The following MTMR7 variants were observed in gnomAD, a reference collection of about 807,000 sequenced individuals.
The protein encoded by MTMR7 is myotubularin related protein 7.
Under a neutral mutation model 81.2 loss-of-function variants are expected in MTMR7, and 76 were observed. The observed-to-expected ratio is 0.94, with a 90% CI of 0.78 to 1.13. MTMR7 has a LOEUF of 1.13. MTMR7 is among the 50% of genes most tolerant of loss of function. MTMR7 has a pLI of 0.00. For missense variants in MTMR7, 1,044 were observed against 820.0 expected (o/e 1.27, Z -3.34); for synonymous variants, 372 against 289.8 (o/e 1.28, Z -2.88).
At chr8:17,343,694 A>T (rs1819471618) in intron 5 of MTMR7, among the ~76,000 whole-genome samples, 1 of 152,240 alleles carries the variant, frequency 6.6e-6, no homozygotes, top group Non-Finnish European at 1.5e-5. Flanking sequence ...TGTGGTCGAT[A>T]AATTAAAACA....
At chr8:17,398,874 T>C (rs548691024) in intron 1 of MTMR7, among the ~76,000 whole-genome samples, 35 of 152,188 alleles carry the variant, frequency 2.3e-4, no homozygotes, top group Non-Finnish European at 4.7e-4. Context: ...GCACGTCTGT[T>C]TGCTCAAGCA....
At chr8:17,320,171 A>C (rs1022476836) in intron 7 of MTMR7, among the ~76,000 whole-genome samples, 1 of 152,030 alleles carries the variant, frequency 6.6e-6, no homozygotes, top group Non-Finnish European at 1.5e-5. Flanking sequence ...TTTTCTTTTT[A>C]CTTTTAATGT....
chr8:17,344,759 G>A (rs778303724), intron 5 of MTMR7, among the ~76,000 whole-genome samples: 23 of 152,266 alleles, frequency 1.5e-4, no homozygotes, highest in Non-Finnish European at 1.8e-4. Flanking sequence ...CAGAGTGTGA[G>A]AAGGGGCATA....
At chr8:17,398,650 C>A (rs1821330469) in intron 1 of MTMR7, among the ~76,000 whole-genome samples, 1 of 152,028 alleles carries the variant, frequency 6.6e-6, no homozygotes, top group South Asian at 2.1e-4. Flanking sequence ...AAAGCGATAA[C>A]CACAAAGAAC....
intron 7 of MTMR7, among the ~76,000 whole-genome samples, chr8:17,328,128 T>G (rs1470985025): frequency 6.6e-6 from 1 of 152,172 alleles, no homozygotes; most frequent in Admixed American, 6.5e-5. Context: ...AAGTGAAATT[T>G]TCTAGGTGAC....
chr8:17,306,612 T>G (rs1379318146), intron 10 of MTMR7, among the ~76,000 whole-genome samples: 1 of 152,106 alleles, frequency 6.6e-6, no homozygotes, highest in East Asian at 1.9e-4. Context: ...ACTGTGTGAG[T>G]TTTACAGAGA....
At chr8:17,411,409 C>T (rs557551586) in intron 1 of MTMR7, among the ~76,000 whole-genome samples, 3 of 152,316 alleles carry the variant, frequency 2.0e-5, no homozygotes, top group East Asian at 1.9e-4. Flanking sequence ...CATACACTGA[C>T]ATATTTACAA....
chr8:17,300,290 G>T (rs759646160), intron 13 of MTMR7, 66 bp from the exon 14 acceptor site: 15 of 1,482,280 alleles, frequency 1.0e-5, no homozygotes, highest in Non-Finnish European at 1.3e-5. Flanking sequence ...ATATATGCAT[G>T]TCTTTAGCAT....
intron 12 of MTMR7, 36 bp from the exon 13 acceptor site, chr8:17,302,316 A>C: frequency 6.3e-7 from 1 of 1,583,394 alleles, no homozygotes. Flanking sequence ...ATACCACCTT[A>C]TCACAGTCTG....
At chr8:17,412,530 T>G (rs1821763311) in intron 1 of MTMR7, among the ~76,000 whole-genome samples, 1 of 152,228 alleles carries the variant, frequency 6.6e-6, no homozygotes, top group Non-Finnish European at 1.5e-5. Flanking sequence ...GAGGAAGATT[T>G]GGTACAGCGA....
intron 3 of MTMR7, among the ~76,000 whole-genome samples, chr8:17,364,841 C>T (rs957752004): frequency 6.6e-5 from 10 of 152,220 alleles, no homozygotes; most frequent in African/African-American, 2.4e-4. Context: ...GTTGATTCCA[C>T]AACGTGGCTA....
At chr8:17,360,027 AATGACG>A (rs1376022974) in intron 4 of MTMR7, among the ~76,000 whole-genome samples, 1 of 152,234 alleles carries the variant, frequency 6.6e-6, no homozygotes, top group Non-Finnish European at 1.5e-5. Flanking sequence ...AGTGATGAGT[AATGACG>A]ATCTAAATGT....
intron 9 of MTMR7, among the ~76,000 whole-genome samples, chr8:17,311,018 G>C (rs1165002465): frequency 6.6e-6 from 1 of 152,066 alleles, no homozygotes; most frequent in Non-Finnish European, 1.5e-5. Context: ...ACAACAAAAG[G>C]CTGTGAAATT....
At chr8:17,393,462 G>T (rs1821160881) in intron 1 of MTMR7, among the ~76,000 whole-genome samples, 1 of 152,128 alleles carries the variant, frequency 6.6e-6, no homozygotes, top group Non-Finnish European at 1.5e-5. Flanking sequence ...GAAAATATTT[G>T]CAAGTCACAT....
chr8:17,304,591 GCTGGAAAGGAACTAATAATTGTTAC>G, intron 11 of MTMR7, 72 bp from the exon 12 acceptor site: 1 of 1,487,242 alleles, frequency 6.7e-7, no homozygotes, highest in South Asian at 1.2e-5. Flanking sequence ...TTATATTAAT[GCTGGAAAGGAACTAATAATTGTTAC>G]CTGAAAACCA....
chr8:17,297,091 C>T lies in MTMR7; in HGVS notation c.*2771G>A, dbSNP rs1254379618. 6.6e-6 allele frequency: 1 copy of T among 151,944 alleles called. No individual in the cohort carries two copies. The highest frequency in any genetic ancestry group is 6.6e-5 in the Admixed American group (1 of 15,244). 9.4% of individuals were successfully genotyped at this position (151,944 alleles called of 1,614,324 possible). A position where few individuals can be genotyped will look rare whatever the true frequency, so the allele number is the denominator to read the frequency against. ...TTTTCTTCATAAAAATTGGTCACATCGGAGAAGCAGTGCCACAGGAAAAAT... is the reference window on the plus strand; with the variant it reads ...TTTTCTTCATAAAAATTGGTCACATTGGAGAAGCAGTGCCACAGGAAAAAT... On this transcript the variant is annotated 3_prime_UTR_variant, in exon 14 of 14. Coordinates refer to ENST00000180173, the MANE Select transcript of MTMR7 (RefSeq NM_004686.5).
chr8:17,388,363 G>A (rs1454471542), intron 1 of MTMR7, among the ~76,000 whole-genome samples: 2 of 152,150 alleles, frequency 1.3e-5, no homozygotes, highest in Non-Finnish European at 2.9e-5. Context: ...GACAGATGCT[G>A]GTTCTTTGTA....
chr8:17,406,252 T>C (rs914138709), intron 1 of MTMR7, among the ~76,000 whole-genome samples: 6 of 152,126 alleles, frequency 3.9e-5, no homozygotes, highest in Admixed American at 6.5e-5. Context: ...GTCATATAAC[T>C]GACTAAGGAT....
At chr8:17,335,678 C>G (rs1202896052) in intron 6 of MTMR7, among the ~76,000 whole-genome samples, 1 of 152,208 alleles carries the variant, frequency 6.6e-6, no homozygotes, top group Non-Finnish European at 1.5e-5. Context: ...AGAAACTTCA[C>G]TTGTGGTGCA....
Sources: allele counts gnomAD v4.1 joint callset (sites outside exome capture counted in the v4.1 genomes callset), GRCh38; gene constraint gnomAD v4.1.1; transcripts MANE v1.5; gene names NCBI Gene and HGNC (gene_info 2026-07-23, HGNC 2026-07-21).